Variants in DSC1 observed in about 807,000 individuals in gnomAD.
The protein encoded by DSC1 is desmocollin 1, also known as desmocollin-1.
Under a neutral mutation model 98.8 loss-of-function variants are expected in DSC1, and 79 were observed. The ratio of observed to expected loss-of-function variants is 0.80; its 90% CI spans 0.67 to 0.96. The LOEUF is 0.96. Ranked by LOEUF, DSC1 falls within the 50% of genes least tolerant of loss-of-function variation. The probability of loss-of-function intolerance (pLI) is 0.00; values close to 1 mark genes in which losing one functional copy is unlikely to be tolerated. For missense variants in DSC1, 1,115 were observed against 1,075.9 expected, an observed-to-expected ratio of 1.04 and a Z score of -0.51; for synonymous variants, 405 against 372.1, an observed-to-expected ratio of 1.09 and a Z score of -1.02.
rs2840372 is a variant in DSC1 at position 31,161,529 on chromosome 18, G to A, written c.63+1003C>T. Among the ~76,000 whole-genome samples the A allele has an allele frequency of 6.6e-3, 1,008 of 152,100 alleles. 33 individuals carry two copies. Among genetic ancestry groups the A allele is most frequent in the Admixed American group, 0.057 (871 of 15,268 alleles). On this transcript the variant is annotated intron_variant, in intron 1 of 15. Coordinates refer to ENST00000257198, the MANE Select transcript of DSC1 (RefSeq NM_024421.2). ...TTTCCATTCATTAAATACTATTCCCGTCTTCAGGTTAAATCACTGACTAAG... is the reference window on the plus strand; with the variant it reads ...TTTCCATTCATTAAATACTATTCCCATCTTCAGGTTAAATCACTGACTAAG...
chr18:31,146,618 G>A (rs1398185647), intron 6 of DSC1, among the ~76,000 whole-genome samples: 1 of 152,094 alleles, frequency 6.6e-6, no homozygotes, highest in Non-Finnish European at 1.5e-5. Flanking sequence ...TGGCATTGCT[G>A]GCTCAAATAG....
At chr18:31,157,602 G>A (rs767036061) in intron 2 of DSC1, 29 bp from the exon 3 acceptor site, 1 of 1,612,834 alleles carries the variant, frequency 6.2e-7, no homozygotes, top group Admixed American at 1.7e-5. Context: ...ACAGCAGTTT[G>A]TCAGATGAAA....
At chr18:31,151,605 G>T (rs1032953148) in intron 5 of DSC1, among the ~76,000 whole-genome samples, 1 of 152,262 alleles carries the variant, frequency 6.6e-6, no homozygotes, top group East Asian at 1.9e-4. Context: ...AGTTTCCTCT[G>T]AATTATTCTA....
Position 31,143,752 on chromosome 18 carries a change from T to C in DSC1, c.979A>G (p.Met327Val). 1 of 1,602,430 alleles carries C rather than the reference T, an allele frequency of 6.2e-7. No homozygotes were observed. Among genetic ancestry groups the C allele is most frequent in the Non-Finnish European group, 8.5e-7 (1 of 1,174,302 alleles). The change falls in exon 8 of 16, where the codon ATG becomes GTG. Residue 327 changes from methionine (M) to valine (V), a missense_variant. Transcript: ENST00000257198. ...TYQLIMEVRD[M>V]GGQPFGLFNT... Reference sequence around the variant, plus strand: ...AATAAACCGAAAGGCTGACCACCCATGTCTCGCACTTCCATTATTAACTGG... The same window carrying C: ...AATAAACCGAAAGGCTGACCACCCACGTCTCGCACTTCCATTATTAACTGG...
chr18:31,139,748 C>T lies in DSC1; in HGVS notation c.1663G>A (p.Val555Ile). The T allele has an allele frequency of 6.3e-7, 1 of 1,595,096 alleles. No homozygotes were observed. The highest frequency in any genetic ancestry group is 8.5e-7 in the Non-Finnish European group (1 of 1,173,114). The change falls in exon 11 of 16, where the codon GTT (valine) becomes ATT (isoleucine). Residue 555 changes from valine to isoleucine, a missense_variant and splice_region_variant. By Grantham distance (29) the Val-to-Ile change is conservative. Coordinates refer to ENST00000257198, the MANE Select transcript of DSC1 (RefSeq NM_024421.2). ...TTTATCTGTAGAAAATGGCACTCACCTGCATCCACTGCAACAACTGAAATA... is the reference window on the plus strand; with the variant it reads ...TTTATCTGTAGAAAATGGCACTCACTTGCATCCACTGCAACAACTGAAATA... Reference protein sequence around the residue: ...YNISVVAVDAVGRSCTGTLVV... With the variant: ...YNISVVAVDAIGRSCTGTLVV...
intron 7 of DSC1, among the ~76,000 whole-genome samples, chr18:31,145,155 G>A (rs1004028412): frequency 2.0e-5 from 3 of 151,820 alleles, no homozygotes; most frequent in African/African-American, 7.3e-5. Flanking sequence ...TGTTAGCCAG[G>A]ATGGTCTCCA....
chr18:31,153,909 G>A (rs547232182), intron 5 of DSC1, among the ~76,000 whole-genome samples: 2 of 152,102 alleles, frequency 1.3e-5, no homozygotes, highest in Non-Finnish European at 2.9e-5. Context: ...CCAGATGTCT[G>A]CTAAGATATT....
chr18:31,152,994 A>C (rs910864247), intron 5 of DSC1, among the ~76,000 whole-genome samples: 1 of 106,544 alleles, frequency 9.4e-6, no homozygotes, highest in African/African-American at 3.5e-5. Flanking sequence ...TGGGACCTAC[A>C]GAAACATGGG....
At chr18:31,148,421 C>A (rs2577067) in intron 6 of DSC1, 77 bp downstream of exon 6, 1 of 1,421,706 alleles carries the variant, frequency 7.0e-7, no homozygotes, top group South Asian at 1.7e-5. Context: ...AATGATAAAA[C>A]GTAAACATCT....
intron 6 of DSC1, among the ~76,000 whole-genome samples, chr18:31,147,486 C>T (rs1273299940): frequency 6.6e-6 from 1 of 152,000 alleles, no homozygotes; most frequent in Non-Finnish European, 1.5e-5. Flanking sequence ...AAAGGTTTTC[C>T]TTTGAGAAGT....
chr18:31,162,471 C>G (rs1989227429), intron 1 of DSC1, 61 bp downstream of exon 1: 2 of 1,540,288 alleles, frequency 1.3e-6, no homozygotes, highest in Non-Finnish European at 1.8e-6. Flanking sequence ...CAAGCCCAAA[C>G]TGCAGAGAGG....
chr18:31,147,268 A>C (rs946486489), intron 6 of DSC1, among the ~76,000 whole-genome samples: 1 of 152,126 alleles, frequency 6.6e-6, no homozygotes, highest in African/African-American at 2.4e-5. Context: ...AAATGTATTG[A>C]AACTTTATAA....
chr18:31,140,299 T>C lies in DSC1; in HGVS notation c.1263A>G (p.Pro421=), dbSNP rs747596840. The stretch of plus-strand genomic sequence containing the variant: ...CTTGGCGATTGACTTCATAGTTCAA[T>C]GGCTGTTAAATAAGCATACTTTAAT... ...TNEGVLCVVK[P]LNYEVNRQVI... Residue 421 remains proline, a splice_region_variant and synonymous_variant, in exon 10 of 16, where the codon CCA becomes CCG. Transcript: ENST00000257198. 2 of 1,613,846 alleles carry C rather than the reference T, an allele frequency of 1.2e-6. No individual in the cohort carries two copies. The highest frequency in any genetic ancestry group is 4.5e-5 in the East Asian group (2 of 44,876).
chr18:31,154,952 G>A, intron 4 of DSC1, 23 bp from the exon 5 acceptor site: 1 of 1,607,680 alleles, frequency 6.2e-7, no homozygotes, highest in Non-Finnish European at 8.5e-7. Flanking sequence ...TTTAGGAATA[G>A]AACAAATACG....
chr18:31,134,062 T>C lies in DSC1; in HGVS notation c.1945A>G (p.Lys649Glu). 1 of 1,611,946 alleles carries C rather than the reference T, an allele frequency of 6.2e-7. No individual in the cohort carries two copies. Among genetic ancestry groups the C allele is most frequent in the Non-Finnish European group, 8.5e-7 (1 of 1,179,536 alleles). ...GTTGCAACTAAACCATGCCTGTCTT[T>C]TATTTGAATAGGCACAGAATAATAG... ...YNYYSVPIQI[K>E]DRHGLVATHM... The change falls in exon 13 of 16, where the codon AAA (lysine) becomes GAA (glutamate). Residue 649 changes from lysine to glutamate, a missense_variant. By Grantham distance (56) the Lys-to-Glu change is moderately conservative. Coordinates refer to ENST00000257198, the MANE Select transcript of DSC1 (RefSeq NM_024421.2).
intron 15 of DSC1, among the ~76,000 whole-genome samples, chr18:31,131,293 A>T (rs777381868): frequency 3.3e-5 from 5 of 152,194 alleles, no homozygotes; most frequent in Non-Finnish European, 7.3e-5. Context: ...TATAATAAAT[A>T]TTTCACTCCA....
intron 14 of DSC1, 56 bp from the exon 15 acceptor site, chr18:31,131,898 A>T: frequency 6.3e-7 from 1 of 1,592,388 alleles, no homozygotes; most frequent in Non-Finnish European, 8.6e-7. Context: ...CTAACAATTC[A>T]TTTTCATTTT....
At chr18:31,143,091 T>C (rs995603239) in intron 8 of DSC1, among the ~76,000 whole-genome samples, 1 of 151,762 alleles carries the variant, frequency 6.6e-6, no homozygotes, top group African/African-American at 2.4e-5. Context: ...CTGAAACTAT[T>C]GTCATAAAAA....
At chr18:31,155,196 C>T (rs1004374392) in intron 4 of DSC1, among the ~76,000 whole-genome samples, 2 of 152,096 alleles carry the variant, frequency 1.3e-5, no homozygotes, top group Non-Finnish European at 2.9e-5. Context: ...ATACACTTTT[C>T]AAGTTTTATC....
Sources: gnomAD v4.1 joint callset for allele counts (sites outside exome capture counted in the v4.1 genomes callset) on GRCh38, gnomAD v4.1.1 for gene constraint, MANE v1.5 for transcripts, NCBI Gene and HGNC (gene_info 2026-07-23, HGNC 2026-07-21) for gene names.